The following AKAP12 variants were observed in gnomAD, a reference collection of about 807,000 sequenced individuals.
The protein encoded by AKAP12 is A-kinase anchoring protein 12.
In AKAP12, 32 loss-of-function variants were observed where a neutral mutation model predicts 79.9. That is an observed-to-expected ratio of 0.40 (90% confidence interval 0.30 to 0.54). The LOEUF (loss-of-function observed/expected upper bound fraction) is 0.54, where lower values mean the gene tolerates loss of function less well. AKAP12 is among the 20% of genes least tolerant of loss of function. The probability of loss-of-function intolerance (pLI) is 0.48; values close to 1 mark genes in which losing one functional copy is unlikely to be tolerated. For synonymous variants in AKAP12, 808 were observed against 857.0 expected (o/e 0.94, Z 1.00); for missense variants, 2,074 against 2,177.0 (o/e 0.95, Z 0.94).
At chr6:151,343,992 T>C in intron 3 of AKAP12, 1 of 439,588 alleles carries the variant, frequency 2.3e-6, no homozygotes, top group Non-Finnish European at 4.3e-6. Context: ...GTTTAAATCG[T>C]CGATGTCTGG....
intron 3 of AKAP12, among the ~76,000 whole-genome samples, chr6:151,333,653 A>C (rs1280555464): frequency 6.6e-6 from 1 of 151,412 alleles, no homozygotes. Flanking sequence ...TGAGGCAGGA[A>C]AATTGCTTGA....
chr6:151,316,053 C>T (rs1220061142), intron 3 of AKAP12, among the ~76,000 whole-genome samples: 1 of 151,596 alleles, frequency 6.6e-6, no homozygotes, highest in Non-Finnish European at 1.5e-5. Flanking sequence ...TGGGTGGGGA[C>T]ACAGACAAAC....
chr6:151,295,729 G>A (rs992660074), intron 2 of AKAP12, among the ~76,000 whole-genome samples: 1 of 152,258 alleles, frequency 6.6e-6, no homozygotes, highest in African/African-American at 2.4e-5. Context: ...GCTGTTGGGT[G>A]AATAGCTCCT....
chr6:151,285,849 C>T (rs546069203), intron 2 of AKAP12, among the ~76,000 whole-genome samples: 2 of 151,864 alleles, frequency 1.3e-5, no homozygotes, highest in Admixed American at 6.6e-5. Context: ...TCATCTACAT[C>T]TATCACATGA....
intron 2 of AKAP12, among the ~76,000 whole-genome samples, chr6:151,269,105 C>G (rs1278627850): frequency 1.3e-5 from 2 of 151,658 alleles, no homozygotes; most frequent in East Asian, 3.9e-4. Flanking sequence ...GATGTTCAGT[C>G]TTAGGTGAAA....
chr6:151,351,031 G>A lies in AKAP12; in HGVS notation c.2640G>A (p.Val880=), dbSNP rs1778269898. The A allele has an allele frequency of 1.2e-6, 2 of 1,614,002 alleles. No individual in the cohort carries two copies. The highest frequency in any genetic ancestry group is 1.3e-5 in the African/African-American group (1 of 74,910). Residue 880 remains valine, a synonymous_variant, in exon 4 of 5, where the codon GTG becomes GTA. Transcript: ENST00000402676. The surrounding 1 kb of genome is among the most constrained non-coding windows in gnomAD (Gnocchi z 4.4). ...CCGAGCAGAAGGCAGCCACTGAGGT[G>A]TCCAAGGAGCTCAGCGAGAGTCAGG... The part of the protein sequence containing the change: ...EQPEQKAATE[V]SKELSESQVH...
At chr6:151,335,202 G>C (rs1777781410) in intron 3 of AKAP12, among the ~76,000 whole-genome samples, 1 of 152,084 alleles carries the variant, frequency 6.6e-6, no homozygotes, top group African/African-American at 2.4e-5. Flanking sequence ...TGATTATCTG[G>C]ATGTTGTACT....
chr6:151,298,089 A>C (rs1776776252), intron 2 of AKAP12, among the ~76,000 whole-genome samples: 1 of 152,022 alleles, frequency 6.6e-6, no homozygotes, highest in Admixed American at 6.6e-5. Flanking sequence ...AGGAGCTTGG[A>C]CTCTAACCAA....
rs572484258 is a variant in AKAP12, at chr6:151,291,716, C to A, written c.163-14031C>A. ...ACCCTAAATGGATTCTCCACAATGG[C>A]ATCTGCAAGTCCATTATCAGCTAAA... On this transcript the variant is annotated intron_variant, in intron 2 of 4. Transcript: ENST00000402676. Among the ~76,000 whole-genome samples, 403 of 152,360 alleles carry A rather than the reference C, an allele frequency of 2.6e-3. 1 individual carries two copies. Among genetic ancestry groups the A allele is most frequent in the African/African-American group, 9.5e-3 (396 of 41,588 alleles).
chr6:151,297,019 G>GTTTTTT (rs36046672), intron 2 of AKAP12, among the ~76,000 whole-genome samples: 6,537 of 127,050 alleles, frequency 0.051, 232 homozygotes, highest in East Asian at 0.22. Flanking sequence ...AAATAAAAGG[G>GTTTTTT]TTTTTTTTTT....
At position 151,352,889 on chromosome 6, in the gene AKAP12, C is replaced by G; in HGVS notation, c.4498C>G (p.Leu1500Val). The change falls in exon 4 of 5, where the codon CTG (leucine) becomes GTG (valine). Residue 1500 changes from leucine to valine, a missense_variant. By Grantham distance (32) the Leu-to-Val change is conservative. Around this residue, in one of 3 missense-constraint regions of AKAP12, gnomAD observed 614 missense variants for 665.6 expected, o/e 0.92. Coordinates refer to ENST00000402676, the MANE Select transcript of AKAP12 (RefSeq NM_005100.4). ...ATTKKGLSSDLEGEKTTSLKW... is the reference protein window; with the variant it reads ...ATTKKGLSSDVEGEKTTSLKW... ...TACCAAGAAAGGCTTAAGTTCCGAC[C>G]TGGAAGGAGAGAAAACCACATCACT... 1.2e-6 allele frequency: 2 copies of G among 1,614,148 alleles called. No homozygotes were observed. The highest frequency in any genetic ancestry group is 2.2e-5 in the South Asian group (2 of 91,078).
chr6:151,259,010 GTA>G (rs1031218675), intron 2 of AKAP12, among the ~76,000 whole-genome samples: 9 of 148,956 alleles, frequency 6.0e-5, no homozygotes, highest in African/African-American at 1.7e-4. Flanking sequence ...ATGTGTGTGT[GTA>G]TATATATATA....
chr6:151,240,459 T>C lies in AKAP12; in HGVS notation c.-104T>C. On this transcript the variant is annotated 5_prime_UTR_variant, in exon 2 of 5. Transcript: ENST00000402676. ...GTCGGCTGGCGGCGAAGGAAGGCGC[T>C]CTCGGGACCTCGCGGGCGCGCGTCT... The C allele has an allele frequency of 1.6e-6, 2 of 1,246,702 alleles. No homozygotes were observed. Among genetic ancestry groups the C allele is most frequent in the African/African-American group, 3.2e-5 (2 of 63,414 alleles). 77.2% of individuals were successfully genotyped at this position (1,246,702 alleles called of 1,614,324 possible).
chr6:151,340,427 G>A (rs1189249140), intron 3 of AKAP12, among the ~76,000 whole-genome samples: 1 of 152,138 alleles, frequency 6.6e-6, no homozygotes, highest in Non-Finnish European at 1.5e-5. Context: ...ATACCAAGGA[G>A]CATGATTGCC....
intron 3 of AKAP12, chr6:151,325,869 G>C (rs1414655569): frequency 1.2e-6 from 2 of 1,614,030 alleles, no homozygotes; most frequent in African/African-American, 1.3e-5. Context: ...ATATGCTGGG[G>C]ACCATCACCA....
In AKAP12 at chr6:151,351,580, A is replaced by G; in HGVS notation, c.3189A>G (p.Glu1063=). The G allele has an allele frequency of 6.2e-7, 1 of 1,614,136 alleles. No homozygotes were observed. Among genetic ancestry groups the G allele is most frequent in the South Asian group, 1.1e-5 (1 of 91,078 alleles). The part of the protein sequence containing the change: ...ESQLPGTGGP[E]DVLQPVQRAE... ...AGCTGCCTGGCACCGGTGGGCCAGA[A>G]GATGTGCTTCAGCCTGTGCAGAGAG... is the stretch of plus-strand genomic sequence containing the variant. Residue 1063 remains glutamate (E), a synonymous_variant, in exon 4 of 5, where the codon GAA becomes GAG. Transcript: ENST00000402676. This position sits in a 1 kb window ranked among gnomAD's most constrained non-coding sequence, Gnocchi z 4.4.
intron 2 of AKAP12, among the ~76,000 whole-genome samples, chr6:151,240,998 C>T (rs1582825614): frequency 6.6e-6 from 1 of 152,310 alleles, no homozygotes; most frequent in East Asian, 1.9e-4. Context: ...AAAACCCGCG[C>T]CCTGCCCACG....
rs1434288162 is a variant in AKAP12 at position 151,350,808 on chromosome 6, C to T, written c.2417C>T (p.Ser806Leu). 6.2e-7 allele frequency: 1 copy of T among 1,613,992 alleles called. No individual in the cohort carries two copies. The highest frequency in any genetic ancestry group is 2.2e-5 in the East Asian group (1 of 44,870). Residue 806 changes from serine to leucine, a missense_variant, in exon 4 of 5, where the codon TCA (serine) becomes TTA (leucine). By Grantham distance (145) the Ser-to-Leu change is moderately radical. Coordinates refer to ENST00000402676, the MANE Select transcript of AKAP12 (RefSeq NM_005100.4). The surrounding 1 kb of genome is among the most constrained non-coding windows in gnomAD (Gnocchi z 4.8). ...TEPGKEESWV[S>L]IKKFIPGRRK... Reference sequence around the variant, plus strand: ...CCCGGTAAAGAAGAATCCTGGGTCTCAATCAAGAAGTTTATTCCTGGACGA... The same window carrying T: ...CCCGGTAAAGAAGAATCCTGGGTCTTAATCAAGAAGTTTATTCCTGGACGA...
chr6:151,278,863 T>C (rs1165403160), intron 2 of AKAP12, among the ~76,000 whole-genome samples: 2 of 151,900 alleles, frequency 1.3e-5, no homozygotes, highest in East Asian at 3.9e-4. Flanking sequence ...GAGACAGGGT[T>C]TCACCGTGTT....
Sources: allele counts gnomAD v4.1 joint callset (sites outside exome capture counted in the v4.1 genomes callset), GRCh38; gene constraint gnomAD v4.1.1; regional missense constraint gnomAD v4.1.1; non-coding constraint Gnocchi (gnomAD v3.1); transcripts MANE v1.5; gene names NCBI Gene and HGNC (gene_info 2026-07-23, HGNC 2026-07-21).